The following TNFAIP6 variants were observed in gnomAD, a reference collection of about 807,000 sequenced individuals.
TNFAIP6 encodes tumor necrosis factor-inducible gene 6 protein.
In TNFAIP6, 36 loss-of-function variants were observed where a neutral mutation model predicts 33.7. The ratio of observed to expected loss-of-function variants is 1.07; its 90% CI spans 0.82 to 1.41. The LOEUF (loss-of-function observed/expected upper bound fraction) is 1.41. Among genes scored for constraint, TNFAIP6 ranks in the 40% most tolerant of loss-of-function variants. The pLI is 0.00. For missense variants in TNFAIP6, 273 were observed against 331.9 expected (o/e 0.82, Z 1.38); for synonymous variants, 113 against 112.8 (o/e 1.00, Z -0.01).
chr2:151,376,366 C>G (rs974604432), intron 5 of TNFAIP6, among the ~76,000 whole-genome samples: 1 of 150,362 alleles, frequency 6.7e-6, no homozygotes, highest in South Asian at 2.1e-4. Context: ...CTGTAGTGAG[C>G]CATGATCATG....
At chr2:151,374,251 T>C (rs756241193) in intron 5 of TNFAIP6, among the ~76,000 whole-genome samples, 1 of 152,202 alleles carries the variant, frequency 6.6e-6, no homozygotes, top group Non-Finnish European at 1.5e-5. Flanking sequence ...CATTATTTTC[T>C]GTGACTTTGT....
intron 5 of TNFAIP6, among the ~76,000 whole-genome samples, chr2:151,375,707 C>CAAAA (rs751669722): frequency 7.9e-6 from 1 of 126,778 alleles, no homozygotes. Context: ...GACCCCATCT[C>CAAAA]AAAAAAAAAA....
At chr2:151,357,865 G>T in intron 1 of TNFAIP6, 105 bp downstream of exon 1, 1 of 655,574 alleles carries the variant, frequency 1.5e-6, no homozygotes, top group Non-Finnish European at 2.6e-6. Context: ...CAAGGCTGAT[G>T]TTCTCAAAGA....
Position 151,373,552 on chromosome 2 carries a change from C to G in TNFAIP6, c.627C>G (p.Tyr209Ter). Reference sequence around the variant, plus strand: ...TTTTCTAAAAATTCCTTTTCAGATACTGTGGAGATGAGCTTCCAGATGACA... The same window carrying G: ...TTTTCTAAAAATTCCTTTTCAGATAGTGTGGAGATGAGCTTCCAGATGACA... ...YDDVHGFVGRYCGDELPDDII... is the reference protein window; with the variant it reads ...YDDVHGFVGR Residue 209 changes from tyrosine (Y) to a stop codon, truncating the protein, a stop_gained, in exon 5 of 6, where the codon TAC becomes TAG. Coordinates refer to ENST00000243347, the MANE Select transcript of TNFAIP6 (RefSeq NM_007115.4). LOFTEE classifies it high-confidence loss of function. The G allele has an allele frequency of 6.5e-7, 1 of 1,544,474 alleles. No homozygotes were observed. Among genetic ancestry groups the G allele is most frequent in the Non-Finnish European group, 8.8e-7 (1 of 1,139,770 alleles).
chr2:151,367,929 T>C (rs547875517), intron 3 of TNFAIP6, among the ~76,000 whole-genome samples: 2 of 152,148 alleles, frequency 1.3e-5, no homozygotes, highest in South Asian at 2.1e-4. Flanking sequence ...AAGTTAGAGC[T>C]GATATTCTAA....
intron 2 of TNFAIP6, 132 bp downstream of exon 2, chr2:151,364,212 C>A (rs1299228432): frequency 8.7e-7 from 1 of 1,143,892 alleles, no homozygotes; most frequent in Non-Finnish European, 1.2e-6. Flanking sequence ...GACATTTCTG[C>A]TCTCTGACTT....
chr2:151,374,170 C>T (rs1449388240), intron 5 of TNFAIP6, among the ~76,000 whole-genome samples: 1 of 152,112 alleles, frequency 6.6e-6, no homozygotes, highest in African/African-American at 2.4e-5. Context: ...TTTTAATATG[C>T]TAATCATGTG....
At chr2:151,364,967 T>C (rs1419844286) in intron 2 of TNFAIP6, among the ~76,000 whole-genome samples, 6 of 152,122 alleles carry the variant, frequency 3.9e-5, no homozygotes, top group Non-Finnish European at 8.8e-5. Flanking sequence ...CATTGACAGA[T>C]ACTAAAACAG....
At chr2:151,364,198 C>G in intron 2 of TNFAIP6, 118 bp downstream of exon 2, 1 of 1,283,678 alleles carries the variant, frequency 7.8e-7, no homozygotes. Flanking sequence ...CACTAAGCCC[C>G]TAGGACATTT....
At chr2:151,371,295 A>T (rs182984139) in intron 4 of TNFAIP6, among the ~76,000 whole-genome samples, 185 of 152,314 alleles carry the variant, frequency 1.2e-3, no homozygotes, top group African/African-American at 4.2e-3. Context: ...ATTGCAAATT[A>T]AAGAGTGTAC....
At chr2:151,377,086 G>A (rs1447864360) in intron 5 of TNFAIP6, among the ~76,000 whole-genome samples, 2 of 151,764 alleles carry the variant, frequency 1.3e-5, no homozygotes, top group African/African-American at 4.8e-5. Flanking sequence ...CTGTCCTCCT[G>A]CCTCAGCCTC....
rs750979012 is a variant in TNFAIP6, at chr2:151,363,954, G to A, written c.106G>A (p.Gly36Ser). The A allele has an allele frequency of 1.2e-6, 2 of 1,612,754 alleles. No homozygotes were observed. The highest frequency in any genetic ancestry group is 1.7e-5 in the Admixed American group (1 of 59,556). Residue 36 changes from glycine (G) to serine (S), a missense_variant, in exon 2 of 6, where the codon GGT (glycine) becomes AGT (serine). Physicochemically the swap from Gly to Ser is moderately conservative, Grantham distance 56 (BLOSUM62 0). Coordinates refer to ENST00000243347, the MANE Select transcript of TNFAIP6 (RefSeq NM_007115.4). The stretch of plus-strand genomic sequence containing the variant: ...ATCTGATTTTGCAGAACGAGCAGCC[G>A]GTGTGTACCACAGAGAAGCACGGTC... ...HNSIWLERAA[G>S]VYHREARSGK...
intron 1 of TNFAIP6, among the ~76,000 whole-genome samples, chr2:151,360,337 G>C (rs1189752353): frequency 6.6e-6 from 1 of 152,036 alleles, no homozygotes; most frequent in African/African-American, 2.4e-5. Flanking sequence ...GACGTATCTT[G>C]AGTTCCTTCT....
chr2:151,376,418 CAA>C (rs34551708), intron 5 of TNFAIP6, among the ~76,000 whole-genome samples: 1,680 of 114,856 alleles, frequency 0.015, 33 homozygotes, highest in East Asian at 0.073. Flanking sequence ...TATTCTGTCT[CAA>C]AAAAAAAAAA....
intron 5 of TNFAIP6, among the ~76,000 whole-genome samples, chr2:151,377,742 T>C (rs73967538): frequency 6.6e-6 from 1 of 152,328 alleles, no homozygotes; most frequent in African/African-American, 2.4e-5. Flanking sequence ...CTTTTTTATT[T>C]CTTTGTATAT....
chr2:151,364,960 T>A (rs1047828885), intron 2 of TNFAIP6, among the ~76,000 whole-genome samples: 1 of 152,108 alleles, frequency 6.6e-6, no homozygotes. Flanking sequence ...TTGGTGGCAT[T>A]GACAGATACT....
intron 5 of TNFAIP6, among the ~76,000 whole-genome samples, chr2:151,378,525 G>T (rs1684957238): frequency 6.8e-6 from 1 of 147,748 alleles, no homozygotes; most frequent in East Asian, 2.0e-4. Context: ...TTTTGCTCTT[G>T]TTGCCCAGGC....
Position 151,363,961 on chromosome 2 carries a change from A to C in TNFAIP6, c.113A>C (p.Tyr38Ser). ...SIWLERAAGV[Y>S]HREARSGKYK... Reference sequence around the variant, plus strand: ...TTTGCAGAACGAGCAGCCGGTGTGTACCACAGAGAAGCACGGTCTGGCAAA... The same window carrying C: ...TTTGCAGAACGAGCAGCCGGTGTGTCCCACAGAGAAGCACGGTCTGGCAAA... Residue 38 changes from tyrosine (Y) to serine (S), a missense_variant, in exon 2 of 6, where the codon TAC becomes TCC. Tyr to Ser is a moderately radical substitution (Grantham distance 144). Transcript: ENST00000243347. 2 of 1,613,900 alleles carry C rather than the reference A, an allele frequency of 1.2e-6. No homozygotes were observed. Among genetic ancestry groups the C allele is most frequent in the Non-Finnish European group, 1.7e-6 (2 of 1,179,954 alleles).
At position 151,370,001 on chromosome 2, in the gene TNFAIP6, T is replaced by C; in HGVS notation, c.395-19T>C. The stretch of plus-strand genomic sequence containing the variant: ...CCTAATGCTTTGGGGTTTTTACGTT[T>C]TTTTTCTTCTCATTTCAGCAAAGGA... On this transcript the variant is annotated intron_variant, in intron 3 of 5. Coordinates refer to ENST00000243347, the MANE Select transcript of TNFAIP6 (RefSeq NM_007115.4). The C allele has an allele frequency of 6.3e-7, 1 of 1,575,614 alleles. No homozygotes were observed. The highest frequency in any genetic ancestry group is 8.6e-7 in the Non-Finnish European group (1 of 1,159,412).
Sources: allele counts gnomAD v4.1 joint callset (sites outside exome capture counted in the v4.1 genomes callset), GRCh38; gene constraint gnomAD v4.1.1; transcripts MANE v1.5; gene names NCBI Gene and HGNC (gene_info 2026-07-23, HGNC 2026-07-21).